The following ABR variants were observed in gnomAD, a reference collection of about 807,000 sequenced individuals.
ABR encodes the protein active breakpoint cluster region-related protein.
In ABR, 35 loss-of-function variants were observed where a neutral mutation model predicts 107.2. That is an observed-to-expected ratio of 0.33 (90% CI 0.25 to 0.43). The LOEUF is 0.43. Ranked by LOEUF, ABR falls within the 20% of genes least tolerant of loss-of-function variation. The pLI, the probability that ABR is intolerant of heterozygous loss-of-function variation, is 1.00. For synonymous variants in ABR, 498 were observed against 462.0 expected (o/e 1.08, Z -1.00); for missense variants, 815 against 1,115.2 (o/e 0.73, Z 3.83).
Position 1,013,230 on chromosome 17 carries a change from G to A in ABR, c.1792-66C>T, listed in dbSNP as rs1020217842. 3 of 1,466,984 alleles carry A rather than the reference G, an allele frequency of 2.0e-6. No homozygotes were observed. The Admixed American group carries it at 5.0e-5, about 25-fold the overall frequency. The allele number at this position is 1,466,984 out of a possible 1,614,324, so 90.9% of individuals were successfully genotyped here. ...AGGCCAAGCCAGAGATCTCCCCGTG[G>A]GTCAGCACTGCTCAGAGCCAGCTAC... On this transcript the variant is annotated intron_variant, in intron 16 of 22. Transcript: ENST00000302538.
chr17:1,169,100 A>G (rs2041616123), intron 1 of ABR, among the ~76,000 whole-genome samples: 1 of 152,204 alleles, frequency 6.6e-6, no homozygotes, highest in Non-Finnish European at 1.5e-5. Context: ...CTGGCCCTGC[A>G]GGGGAAAGAG....
chr17:1,059,666 C>T (rs1359495042), intron 10 of ABR, among the ~76,000 whole-genome samples: 1 of 152,182 alleles, frequency 6.6e-6, no homozygotes, highest in Non-Finnish European at 1.5e-5. Flanking sequence ...GAGCCTGCTC[C>T]CTCAATGTTC....
chr17:1,124,968 CA>C (rs3216759), intron 2 of ABR, among the ~76,000 whole-genome samples: 3 of 152,040 alleles, frequency 2.0e-5, no homozygotes, highest in East Asian at 1.9e-4. Flanking sequence ...CGGGGAGAGA[CA>C]GGGGCGGCAG....
chr17:1,094,271 T>C (rs1352488192), intron 3 of ABR, among the ~76,000 whole-genome samples: 2 of 152,178 alleles, frequency 1.3e-5, no homozygotes, highest in African/African-American at 4.8e-5. Flanking sequence ...CTGGGCTTCG[T>C]GTCACCAGCA....
At chr17:1,118,181 A>G in intron 2 of ABR, among the ~76,000 whole-genome samples, 1 of 64,974 alleles carries the variant, frequency 1.5e-5, no homozygotes, top group Non-Finnish European at 3.0e-5. Context: ...GTTATCCCTG[A>G]GCCTGAGTTC....
At chr17:1,083,106 A>G (rs556163247) in intron 5 of ABR, among the ~76,000 whole-genome samples, 55 of 144,520 alleles carry the variant, frequency 3.8e-4, no homozygotes, top group African/African-American at 1.3e-3. Flanking sequence ...CCTGGGCGAC[A>G]GAGCAAGACT....
At chr17:1,175,285 A>G (rs924320650) in intron 1 of ABR, among the ~76,000 whole-genome samples, 2 of 151,928 alleles carry the variant, frequency 1.3e-5, no homozygotes, top group African/African-American at 2.4e-5. Flanking sequence ...GGTGGCGGGC[A>G]CCTGTAATCC....
Position 1,179,818 on chromosome 17 carries a change from T to G in ABR, c.-91A>C. Reference sequence around the variant, plus strand: ...GGCGGGAGCCGGGGGAGGCCGAAGTTGCGAGCGCGGAGGGGCGAGGAGGCC... The same window carrying G: ...GGCGGGAGCCGGGGGAGGCCGAAGTGGCGAGCGCGGAGGGGCGAGGAGGCC... On this transcript the variant is annotated 5_prime_UTR_variant, in exon 1 of 23. Transcript: ENST00000302538. This position sits in a 1 kb window ranked among gnomAD's most constrained non-coding sequence, Gnocchi z 4.9. 7.7e-7 allele frequency: 1 copy of G among 1,295,658 alleles called. No homozygotes were observed. The highest frequency in any genetic ancestry group is 1.0e-6 in the Non-Finnish European group (1 of 997,726). The allele number at this position is 1,295,658 out of a possible 1,614,324, so 80.3% of individuals were successfully genotyped here. A position where few individuals can be genotyped will look rare whatever the true frequency, so the allele number is the denominator to read the frequency against.
rs1567625724 is a variant in ABR, at chr17:1,037,038, C to CCCATCCACCCATCCTTCCAT, written c.1791+13011_1791+13012insATGGAAGGATGGGTGGATGG. Reference sequence around the variant, plus strand: ...ATCCTTCCTTCCTTCCATCCATCCACCCATCCATCCATCCATCCACCCATC... The same window carrying CCCATCCACCCATCCTTCCAT: ...ATCCTTCCTTCCTTCCATCCATCCACCCATCCACCCATCCTTCCATCCATCCATCCATCCATCCACCCATC... On this transcript the variant is annotated intron_variant, in intron 16 of 22. Coordinates refer to ENST00000302538, the MANE Select transcript of ABR (RefSeq NM_021962.5). The surrounding 1 kb of genome is among the most constrained non-coding windows in gnomAD (Gnocchi z 4.6). Among the ~76,000 whole-genome samples, 4 of 134,190 alleles carry CCCATCCACCCATCCTTCCAT rather than the reference C, an allele frequency of 3.0e-5. No homozygotes were observed. Among genetic ancestry groups the CCCATCCACCCATCCTTCCAT allele is most frequent in the African/African-American group, 1.1e-4 (4 of 34,900 alleles). The allele number at this position is 134,190 out of a possible 152,430, so 88.0% of individuals were successfully genotyped here.
intron 16 of ABR, among the ~76,000 whole-genome samples, chr17:1,014,395 C>T (rs548583071): frequency 3.7e-4 from 53 of 144,790 alleles, no homozygotes; most frequent in African/African-American, 1.2e-3. Flanking sequence ...GAGCCGAGAT[C>T]GCGCCACTGC....
At chr17:1,099,231 C>T (rs138501968) in intron 3 of ABR, among the ~76,000 whole-genome samples, 44 of 151,980 alleles carry the variant, frequency 2.9e-4, no homozygotes, top group African/African-American at 1.9e-4. Flanking sequence ...TGCACCACCA[C>T]GCCTGGCTTT....
intron 9 of ABR, 151 bp from the exon 10 acceptor site, chr17:1,067,393 G>A: frequency 2.5e-6 from 2 of 804,848 alleles, no homozygotes; most frequent in Non-Finnish European, 3.8e-6. Context: ...AGCCTGATTG[G>A]GAAACACACA....
intron 16 of ABR, among the ~76,000 whole-genome samples, chr17:1,014,351 G>C (rs1437438613): frequency 7.6e-6 from 1 of 132,392 alleles, no homozygotes; most frequent in South Asian, 2.8e-4. Context: ...TGAGGCAGGA[G>C]AATAGCGTGA....
In ABR at chr17:1,200,989, T is replaced by C. The variant is rs1220783245; in HGVS notation, c.838+27804A>G. ...AGGGGCTGTGTTAATGACATCAGCC[T>C]TTCAGCAATGGAAACTAAGGAGGAT... On this transcript the variant is annotated intron_variant, in intron 1 of 22. Transcript: ENST00000574139. This position sits in a 1 kb window ranked among gnomAD's most constrained non-coding sequence, Gnocchi z 4.1. Among the ~76,000 whole-genome samples, 1 of 152,210 alleles carries C rather than the reference T, an allele frequency of 6.6e-6. No individual in the cohort carries two copies. The highest frequency in any genetic ancestry group is 1.5e-5 in the Non-Finnish European group (1 of 68,044).
intron 4 of ABR, among the ~76,000 whole-genome samples, chr17:1,085,255 GGCGCCC>G (rs1452170850): frequency 1.3e-5 from 2 of 151,590 alleles, no homozygotes; most frequent in African/African-American, 4.8e-5. Context: ...TGGGACTACA[GGCGCCC>G]GCCACCACGC....
chr17:1,213,583 G>A (rs2042943560), intron 1 of ABR, among the ~76,000 whole-genome samples: 1 of 152,104 alleles, frequency 6.6e-6, no homozygotes, highest in East Asian at 1.9e-4. Flanking sequence ...AGTAGAGGCG[G>A]GGTTTCACCA....
intron 1 of ABR, among the ~76,000 whole-genome samples, chr17:1,218,689 T>C (rs2043058566): frequency 2.0e-5 from 3 of 152,244 alleles, no homozygotes; most frequent in Non-Finnish European, 4.4e-5. Flanking sequence ...CATCTCATTA[T>C]AGTCAGCTGT....
At chr17:1,009,595 T>G (rs909791610) in intron 21 of ABR, 84 bp downstream of exon 21, 27 of 1,124,506 alleles carry the variant, frequency 2.4e-5, no homozygotes, top group Non-Finnish European at 3.6e-5. Flanking sequence ...GAGGAGGGAC[T>G]GAGGAGGTGG....
chr17:1,046,616 C>A (rs922574564), intron 16 of ABR, among the ~76,000 whole-genome samples: 22 of 152,234 alleles, frequency 1.4e-4, no homozygotes, highest in Non-Finnish European at 3.1e-4. Context: ...ACAAAGGACG[C>A]TCACCTTATG....
Sources: allele counts gnomAD v4.1 joint callset (sites outside exome capture counted in the v4.1 genomes callset), GRCh38; gene constraint gnomAD v4.1.1; non-coding constraint Gnocchi (gnomAD v3.1); transcripts MANE v1.5; gene names NCBI Gene and HGNC (gene_info 2026-07-23, HGNC 2026-07-21).